Variants in MYCBPAP observed in about 807,000 individuals in gnomAD.
MYCBPAP encodes MYCBP-associated protein.
MYCBPAP carries 60 observed loss-of-function variants against 106.1 expected under a neutral mutation model. The observed-to-expected ratio is 0.57, with a 90% CI of 0.46 to 0.70. MYCBPAP has a LOEUF of 0.70. Among genes scored for constraint, MYCBPAP ranks in the 30% least tolerant of loss-of-function variants. The pLI, the probability that MYCBPAP is intolerant of heterozygous loss-of-function variation, is 0.00. For synonymous variants in MYCBPAP, 407 were observed against 440.6 expected (o/e 0.92, Z 0.95); for missense variants, 1,064 against 1,169.3 (o/e 0.91, Z 1.31).
intron 1 of MYCBPAP, chr17:50,510,473 A>ATGTGTGTGTG (rs1180380321): frequency 2.1e-5 from 2 of 96,250 alleles, no homozygotes; most frequent in African/African-American, 9.6e-5. Flanking sequence ...ATGTGTATAT[A>ATGTGTGTGTG]TGTGTGTGTG....
chr17:50,527,186 G>A, intron 14 of MYCBPAP, 101 bp from the exon 15 acceptor site: 2 of 1,526,740 alleles, frequency 1.3e-6, no homozygotes, highest in African/African-American at 2.7e-5. Context: ...ATCCCCTCCT[G>A]GTTCCTGGTC....
In MYCBPAP at chr17:50,508,596, T is replaced by C. The variant is rs1243961415; in HGVS notation, c.-79T>C. On this transcript the variant is annotated 5_prime_UTR_variant, in exon 1 of 19. Coordinates refer to ENST00000323776, the MANE Select transcript of MYCBPAP (RefSeq NM_032133.6). ...GTTGCTGTGGACGCAGTGGCGGCCG[T>C]TGGCTGGCGGGTGCGGCGCAGCCTC... The C allele has an allele frequency of 6.4e-7, 1 of 1,557,860 alleles. No homozygotes were observed. The highest frequency in any genetic ancestry group is 1.2e-5 in the South Asian group (1 of 86,384).
intron 11 of MYCBPAP, 31 bp from the exon 12 acceptor site, chr17:50,523,566 G>T (rs751862171): frequency 2.5e-6 from 4 of 1,612,064 alleles, no homozygotes; most frequent in Non-Finnish European, 3.4e-6. Context: ...GCTCCTGCAT[G>T]TTGAAAACCT....
At chr17:50,522,747 C>A (rs76943769) in intron 10 of MYCBPAP, 192 bp from the exon 11 acceptor site, 3,973 of 270,696 alleles carry the variant, frequency 0.015, 119 homozygotes, top group East Asian at 0.077. Context: ...TCTCTTCTTG[C>A]TATTGAGGGT....
In MYCBPAP at chr17:50,519,713, A is replaced by G; in HGVS notation, c.842A>G (p.Lys281Arg). Residue 281 changes from lysine (K) to arginine (R), a missense_variant, in exon 7 of 19, where the codon AAG (lysine) becomes AGG (arginine). By Grantham distance (26) the Lys-to-Arg change is conservative (BLOSUM62 2). Transcript: ENST00000323776. ...GDEMTGLVMT[K>R]TKTQRGLMEP... ...GAGATGACAGGTCTGGTCATGACCA[A>G]GACAAAAACTCAGCGTGGCCTCATG... 6.2e-7 allele frequency: 1 copy of G among 1,614,178 alleles called. No homozygotes were observed. Among genetic ancestry groups the G allele is most frequent in the Non-Finnish European group, 8.5e-7 (1 of 1,180,036 alleles).
At position 50,527,210 on chromosome 17, in the gene MYCBPAP, C is replaced by T. The variant is rs1179129533; in HGVS notation, c.2170-77C>T. 17 of 1,581,510 alleles carry T rather than the reference C, an allele frequency of 1.1e-5. No homozygotes were observed. The Admixed American group carries it at 2.2e-4, about 21-fold the overall frequency. ...TGGTTCCTGGTCCCCTGCCACCCAT[C>T]CCCACATCACCATGCCCTTCACTAG... On this transcript the variant is annotated intron_variant, in intron 14 of 18. Transcript: ENST00000323776.
At position 50,521,093 on chromosome 17, in the gene MYCBPAP, C is replaced by T. The variant is rs746670259; in HGVS notation, c.917-17C>T. 2.5e-6 allele frequency: 4 copies of T among 1,602,488 alleles called. No individual in the cohort carries two copies. The highest frequency in any genetic ancestry group is 3.4e-6 in the Non-Finnish European group (4 of 1,174,120). On this transcript the variant is annotated splice_polypyrimidine_tract_variant and intron_variant, in intron 7 of 18. Transcript: ENST00000323776. ...ATGGCAGCAGCCTGTGCTGAGGGTC[C>T]TTGGACCTCATGCTAGGATTACCAG...
chr17:50,522,709 A>AAAAAATATATATATATATATAT, intron 10 of MYCBPAP: 34 of 50,008 alleles, frequency 6.8e-4, no homozygotes, highest in African/African-American at 3.4e-3. Context: ...AAAAAAAAAA[A>AAAAAATATATATATATATATAT]ATATATATAT....
At chr17:50,526,362 GAAAC>G in intron 14 of MYCBPAP, 95 bp downstream of exon 14, 1 of 1,296,054 alleles carries the variant, frequency 7.7e-7, no homozygotes. Flanking sequence ...TATGGGCAAA[GAAAC>G]AAAACCTGAG....
chr17:50,527,507 C>G, intron 15 of MYCBPAP, 99 bp downstream of exon 15: 2 of 1,484,054 alleles, frequency 1.3e-6, no homozygotes, highest in Admixed American at 2.0e-5. Context: ...GTCTGAGCTT[C>G]CGTTGAGCTC....
At position 50,528,680 on chromosome 17, in the gene MYCBPAP, A is replaced by C. The variant is rs2034535532; in HGVS notation, c.2408-15A>C. On this transcript the variant is annotated splice_polypyrimidine_tract_variant and intron_variant, in intron 16 of 18. Coordinates refer to ENST00000323776, the MANE Select transcript of MYCBPAP (RefSeq NM_032133.6). ...TTGGGGGCCTGCCATATTTTCTTCC[A>C]CCCACCTCCCTTAGATCAAAAATCA... 6.2e-7 allele frequency: 1 copy of C among 1,611,824 alleles called. No individual in the cohort carries two copies. Among genetic ancestry groups the C allele is most frequent in the Non-Finnish European group, 8.5e-7 (1 of 1,179,166 alleles).
At chr17:50,523,569 G>GA in intron 11 of MYCBPAP, 28 bp from the exon 12 acceptor site, 1 of 1,612,952 alleles carries the variant, frequency 6.2e-7, no homozygotes, top group East Asian at 2.2e-5. Flanking sequence ...CCTGCATGTT[G>GA]AAAACCTCGG....
chr17:50,508,423 C>T, upstream of MYCBPAP: 1 of 921,660 alleles, frequency 1.1e-6, no homozygotes, highest in Non-Finnish European at 1.5e-6. Context: ...CCTGTGGCGT[C>T]ACAGGCCGGG....
At chr17:50,531,276 G>T (rs2034633220) in intron 18 of MYCBPAP, 51 bp from the exon 19 acceptor site, 2 of 1,263,888 alleles carry the variant, frequency 1.6e-6, no homozygotes, top group Admixed American at 2.2e-5. Context: ...TTCATATATA[G>T]GTGCTTCCCA....
chr17:50,530,907 T>C (rs1338134432), intron 18 of MYCBPAP, among the ~76,000 whole-genome samples: 2 of 152,002 alleles, frequency 1.3e-5, no homozygotes, highest in East Asian at 3.9e-4. Flanking sequence ...GTTTGAAAAG[T>C]AAAACTGCAA....
rs1007919541 is a variant in MYCBPAP at position 50,519,709 on chromosome 17, A to G, written c.838A>G (p.Thr280Ala). 2.5e-6 allele frequency: 4 copies of G among 1,614,020 alleles called. No individual in the cohort carries two copies. Among genetic ancestry groups the G allele is most frequent in the African/African-American group, 1.3e-5 (1 of 74,918 alleles). The change falls in exon 7 of 19, where the codon ACC becomes GCC. Residue 280 changes from threonine to alanine, a missense_variant. By Grantham distance (58) the Thr-to-Ala change is moderately conservative. Transcript: ENST00000323776. Reference sequence around the variant, plus strand: ...AGATGAGATGACAGGTCTGGTCATGACCAAGACAAAAACTCAGCGTGGCCT... The same window carrying G: ...AGATGAGATGACAGGTCTGGTCATGGCCAAGACAAAAACTCAGCGTGGCCT... ...LGDEMTGLVM[T>A]KTKTQRGLME... is the part of the protein sequence containing the mutation.
intron 1 of MYCBPAP, among the ~76,000 whole-genome samples, chr17:50,512,123 G>A (rs902847347): frequency 5.5e-5 from 8 of 145,724 alleles, no homozygotes; most frequent in Admixed American, 4.9e-4. Context: ...GTGCAAACTC[G>A]GCTCACTGCA....
chr17:50,514,983 G>A (rs927378617), intron 1 of MYCBPAP: 4 of 396,682 alleles, frequency 1.0e-5, no homozygotes, highest in Admixed American at 2.8e-5. Context: ...AGCTCTTCAC[G>A]ATATGGCGGC....
chr17:50,522,803 C>T (rs960031339), intron 10 of MYCBPAP, 136 bp from the exon 11 acceptor site: 1 of 717,716 alleles, frequency 1.4e-6, no homozygotes, highest in Non-Finnish European at 2.2e-6. Context: ...CTCTGTGTGA[C>T]AGTGGCCAAG....
Sources: gnomAD v4.1 joint callset for allele counts (sites outside exome capture counted in the v4.1 genomes callset) on GRCh38, gnomAD v4.1.1 for gene constraint, MANE v1.5 for transcripts, NCBI Gene and HGNC (gene_info 2026-07-23, HGNC 2026-07-21) for gene names.